Variants in CHD6 observed in about 807,000 individuals in gnomAD.
CHD6 encodes ATP-dependent chromatin remodeler CHD6.
CHD6 carries 50 observed loss-of-function variants against 276.9 expected under a neutral mutation model. That is an observed-to-expected ratio of 0.18 (90% CI 0.14 to 0.23). The LOEUF (loss-of-function observed/expected upper bound fraction) is 0.23. Among genes scored for constraint, CHD6 ranks in the 10% least tolerant of loss-of-function variants. The pLI is 1.00. For synonymous variants in CHD6, 1,173 were observed against 1,229.3 expected (o/e 0.95, Z 0.96); for missense variants, 2,564 against 3,365.8 (o/e 0.76, Z 5.89).
chr20:41,603,391 G>A (rs537625615), intron 1 of CHD6, among the ~76,000 whole-genome samples: 5 of 152,190 alleles, frequency 3.3e-5, no homozygotes, highest in South Asian at 2.1e-4. Flanking sequence ...ACATATACAC[G>A]TGTGTGTACT....
chr20:41,504,322 A>G (rs1383583484), intron 5 of CHD6, among the ~76,000 whole-genome samples: 1 of 149,086 alleles, frequency 6.7e-6, no homozygotes, highest in Non-Finnish European at 1.5e-5. Context: ...CTACACTGCT[A>G]TCTGATTTTC....
chr20:41,606,830 T>C (rs2045834947), intron 1 of CHD6, among the ~76,000 whole-genome samples: 1 of 152,176 alleles, frequency 6.6e-6, no homozygotes. Context: ...GGCCTCTCCT[T>C]CAGAAAATCT....
intron 20 of CHD6, 124 bp downstream of exon 20, chr20:41,454,502 A>G: frequency 8.9e-6 from 6 of 675,848 alleles, no homozygotes; most frequent in Non-Finnish European, 1.5e-5. Context: ...TATTTTAAGC[A>G]TGGTACAAAT....
rs1196482959 is a variant in CHD6, at chr20:41,558,477, CGAA to C, written c.-23-7120_-23-7118del. Among the ~76,000 whole-genome samples, 4 of 152,246 alleles carry C rather than the reference CGAA, an allele frequency of 2.6e-5. No homozygotes were observed. In the East Asian group the frequency reaches 5.8e-4, roughly 22 times the overall value. On this transcript the variant is annotated intron_variant, in intron 1 of 36. Transcript: ENST00000373233. Reference sequence around the variant, plus strand: ...TGTCACAGGAAGAAGACGTAAATGACGAAGAAGATGTTTTAATGATGTAAAAAC... The same window carrying C: ...TGTCACAGGAAGAAGACGTAAATGACGAAGATGTTTTAATGATGTAAAAAC...
At chr20:41,536,076 T>A (rs189840803) in intron 2 of CHD6, among the ~76,000 whole-genome samples, 8 of 152,244 alleles carry the variant, frequency 5.3e-5, no homozygotes, top group Admixed American at 4.6e-4. Context: ...ACAAAAAAAT[T>A]TCTTTCATGT....
intron 2 of CHD6, among the ~76,000 whole-genome samples, chr20:41,549,567 A>G (rs1020830736): frequency 1.8e-4 from 27 of 149,446 alleles, no homozygotes; most frequent in South Asian, 1.1e-3. Flanking sequence ...TGGGTGCAGC[A>G]CACCAACATG....
chr20:41,451,721 G>A (rs953259493), intron 22 of CHD6, 105 bp downstream of exon 22: 5 of 989,822 alleles, frequency 5.1e-6, no homozygotes, highest in African/African-American at 3.2e-5. Context: ...AAAAACACCC[G>A]AGAAAGAGAA....
At chr20:41,532,145 G>C (rs1262705516) in intron 3 of CHD6, among the ~76,000 whole-genome samples, 1 of 152,108 alleles carries the variant, frequency 6.6e-6, no homozygotes, top group Non-Finnish European at 1.5e-5. Flanking sequence ...CCTGCACAAG[G>C]AATGCATTTG....
intron 17 of CHD6, among the ~76,000 whole-genome samples, chr20:41,459,924 T>C (rs745765099): frequency 6.6e-6 from 1 of 152,234 alleles, no homozygotes; most frequent in Non-Finnish European, 1.5e-5. Context: ...AGATAAAATG[T>C]GGGAAAGCTT....
chr20:41,409,427 T>A (rs2046778827), intron 36 of CHD6, among the ~76,000 whole-genome samples: 1 of 152,204 alleles, frequency 6.6e-6, no homozygotes. Flanking sequence ...CTGCTTTCTA[T>A]CTAATTGCAC....
chr20:41,598,461 T>G (rs2045741382), intron 1 of CHD6, among the ~76,000 whole-genome samples: 1 of 152,192 alleles, frequency 6.6e-6, no homozygotes, highest in African/African-American at 2.4e-5. Context: ...CAAAAGCGAC[T>G]GTTAACGCTT....
At chr20:41,534,580 G>C (rs112319658) in intron 2 of CHD6, among the ~76,000 whole-genome samples, 9 of 151,794 alleles carry the variant, frequency 5.9e-5, no homozygotes, top group Non-Finnish European at 8.8e-5. Flanking sequence ...AGATTTTTGG[G>C]GGGGCGGGGG....
intron 16 of CHD6, among the ~76,000 whole-genome samples, chr20:41,481,120 A>AAAATATAT (rs1555901068): frequency 1.3e-5 from 2 of 150,112 alleles, no homozygotes; most frequent in Non-Finnish European, 3.0e-5. Flanking sequence ...AAGAAAAAAA[A>AAAATATAT]ATATATATAT....
chr20:41,555,133 CGGGGCGGCTGGCCGG>C (rs2045206806), intron 1 of CHD6, among the ~76,000 whole-genome samples: 1 of 135,794 alleles, frequency 7.4e-6, no homozygotes, highest in Non-Finnish European at 1.6e-5. Flanking sequence ...CCCTCCCCGA[CGGGGCGGCTGGCCGG>C]GCAGAGGGGC....
At chr20:41,593,937 C>A (rs747630706) in intron 1 of CHD6, among the ~76,000 whole-genome samples, 7 of 151,306 alleles carry the variant, frequency 4.6e-5, no homozygotes, top group South Asian at 2.1e-4. Context: ...CTATCCAGTC[C>A]GTAGTATTTT....
At chr20:41,544,761 CTATAT>C (rs1034083293) in intron 2 of CHD6, among the ~76,000 whole-genome samples, 8 of 150,268 alleles carry the variant, frequency 5.3e-5, no homozygotes, top group South Asian at 2.1e-4. Context: ...TGTTATGATA[CTATAT>C]TATAATAATC....
At chr20:41,439,294 T>G (rs2047821819) in intron 26 of CHD6, among the ~76,000 whole-genome samples, 2 of 151,596 alleles carry the variant, frequency 1.3e-5, no homozygotes, top group Admixed American at 1.3e-4. Context: ...AGGCGGAGGT[T>G]GCAGTGAGCC....
chr20:41,596,356 G>T (rs940695366), intron 1 of CHD6, among the ~76,000 whole-genome samples: 18 of 152,162 alleles, frequency 1.2e-4, no homozygotes, highest in African/African-American at 4.1e-4. Context: ...ACCACTATTA[G>T]ATGATCCTTT....
intron 5 of CHD6, among the ~76,000 whole-genome samples, chr20:41,507,748 C>G (rs1425716223): frequency 6.6e-6 from 1 of 152,142 alleles, no homozygotes; most frequent in Non-Finnish European, 1.5e-5. Context: ...AATTCATACT[C>G]TTTTTATGTC....
Sources: allele counts gnomAD v4.1 joint callset (sites outside exome capture counted in the v4.1 genomes callset), GRCh38; gene constraint gnomAD v4.1.1; transcripts MANE v1.5; gene names NCBI Gene and HGNC (gene_info 2026-07-23, HGNC 2026-07-21).